MKLN1: variants seen among roughly 807,000 people sequenced by gnomAD.
The protein encoded by MKLN1 is muskelin.
Under a neutral mutation model 99.0 loss-of-function variants are expected in MKLN1, and 18 were observed. The observed-to-expected ratio is 0.18, with a 90% CI of 0.13 to 0.27. The LOEUF is 0.27. Ranked by LOEUF, MKLN1 falls within the 10% of genes least tolerant of loss-of-function variation. The probability of loss-of-function intolerance (pLI) is 1.00; values close to 1 mark genes in which losing one functional copy is unlikely to be tolerated. For synonymous variants in MKLN1, 288 were observed against 293.2 expected (o/e 0.98, Z 0.18); for missense variants, 621 against 875.9 (o/e 0.71, Z 3.67).
intron 3 of MKLN1, among the ~76,000 whole-genome samples, chr7:131,249,038 A>G (rs547208649): frequency 7.2e-5 from 11 of 152,274 alleles, no homozygotes; most frequent in African/African-American, 2.4e-4. Flanking sequence ...ATTACCTGCC[A>G]TTTTCTCCTC....
chr7:131,133,831 T>G (rs974703373), intron 1 of MKLN1, among the ~76,000 whole-genome samples: 18,819 of 119,770 alleles, frequency 0.16, 3,322 homozygotes, highest in South Asian at 0.36. Flanking sequence ...TTTTTTTTTT[T>G]TTTTTTTTTT....
At chr7:131,234,196 T>A (rs1584856144) in intron 3 of MKLN1, among the ~76,000 whole-genome samples, 1 of 151,944 alleles carries the variant, frequency 6.6e-6, no homozygotes, top group Non-Finnish European at 1.5e-5. Context: ...GCCAGGCTGG[T>A]CTTGAACTCC....
At chr7:131,115,171 A>G (rs2116846037) in intron 1 of MKLN1, among the ~76,000 whole-genome samples, 1 of 152,300 alleles carries the variant, frequency 6.6e-6, no homozygotes, top group South Asian at 2.1e-4. Context: ...GGTGTAATCC[A>G]TGGTCTGCAA....
upstream of MKLN1, among the ~76,000 whole-genome samples, chr7:131,324,074 C>G (rs1235516623): frequency 6.6e-6 from 1 of 152,144 alleles, no homozygotes; most frequent in Non-Finnish European, 1.5e-5. Context: ...TTGACCCAAA[C>G]CCCTGGTTCT....
intron 3 of MKLN1, among the ~76,000 whole-genome samples, chr7:131,247,426 G>A (rs1287963704): frequency 6.6e-6 from 1 of 151,948 alleles, no homozygotes; most frequent in Non-Finnish European, 1.5e-5. Context: ...ATGTTGGTCA[G>A]GCTGGTCTCG....
intron 2 of MKLN1, among the ~76,000 whole-genome samples, chr7:131,153,660 T>TCTG (rs1367662557): frequency 3.3e-5 from 2 of 61,304 alleles, no homozygotes; most frequent in African/African-American, 7.1e-5. Context: ...GTAGGTTTTT[T>TCTG]TTGGTTTTTT....
intron 1 of MKLN1, among the ~76,000 whole-genome samples, chr7:131,135,189 C>A (rs139561187): frequency 3.3e-5 from 5 of 152,352 alleles, no homozygotes; most frequent in Non-Finnish European, 4.4e-5. Flanking sequence ...GCAGAGCGAT[C>A]TCGGCTCATT....
intron 3 of MKLN1, among the ~76,000 whole-genome samples, chr7:131,249,578 G>A (rs1392023814): frequency 6.6e-6 from 1 of 152,178 alleles, no homozygotes; most frequent in Admixed American, 6.5e-5. Flanking sequence ...TTAGCAGAGA[G>A]GCACAATGGG....
intron 2 of MKLN1, among the ~76,000 whole-genome samples, chr7:131,191,296 G>T (rs1796537552): frequency 1.3e-5 from 2 of 152,230 alleles, no homozygotes; most frequent in Admixed American, 1.3e-4. Flanking sequence ...TACTCCAGCA[G>T]ATTCAAGTTG....
At chr7:131,432,341 C>G (rs1584736629) in intron 9 of MKLN1, among the ~76,000 whole-genome samples, 1 of 151,888 alleles carries the variant, frequency 6.6e-6, no homozygotes, top group Admixed American at 6.6e-5. Flanking sequence ...TTTTTTATAC[C>G]ATATACATAT....
At chr7:131,335,926 T>TCA (rs770266983) in intron 1 of MKLN1, among the ~76,000 whole-genome samples, 11 of 152,006 alleles carry the variant, frequency 7.2e-5, no homozygotes, top group Admixed American at 2.6e-4. Context: ...TGTACTTTGT[T>TCA]AAGTTCAAGT....
chr7:131,338,752 A>C (rs1307093173), intron 1 of MKLN1, among the ~76,000 whole-genome samples: 1 of 152,200 alleles, frequency 6.6e-6, no homozygotes, highest in Non-Finnish European at 1.5e-5. Context: ...GTTTTCCTTC[A>C]TTAACTGCTT....
rs1181154625 is a variant in MKLN1 at position 131,491,462 on chromosome 7, G to T, written c.*3734G>T. On this transcript the variant is annotated 3_prime_UTR_variant, in exon 18 of 18. Transcript: ENST00000352689. ...GGATGCTTTAACACAAAAGATTTTT[G>T]TTATCCTTATTAGTCAAATAACGCT... is the stretch of plus-strand genomic sequence containing the variant. 1 of 152,056 alleles carries T rather than the reference G, an allele frequency of 6.6e-6. No individual in the cohort carries two copies. Among genetic ancestry groups the T allele is most frequent in the Non-Finnish European group, 1.5e-5 (1 of 67,996 alleles). 9.4% of individuals were successfully genotyped at this position (152,056 alleles called of 1,614,324 possible). A position where few individuals can be genotyped will look rare whatever the true frequency, so the allele number is the denominator to read the frequency against.
intron 3 of MKLN1, among the ~76,000 whole-genome samples, chr7:131,282,836 G>T (rs1798071968): frequency 6.6e-6 from 1 of 152,168 alleles, no homozygotes; most frequent in South Asian, 2.1e-4. Context: ...TTCTCAGATG[G>T]TGGGGCATGG....
chr7:131,302,591 C>T (rs1300750149), intron 3 of MKLN1, among the ~76,000 whole-genome samples: 4 of 152,196 alleles, frequency 2.6e-5, no homozygotes, highest in Non-Finnish European at 5.9e-5. Flanking sequence ...AAGCAACCCC[C>T]AGCAGTTGAC....
Position 131,492,303 on chromosome 7 carries a change from A to G in MKLN1, c.*4575A>G, listed in dbSNP as rs1584796329. 6.6e-6 allele frequency: 1 copy of G among 152,204 alleles called. No homozygotes were observed. Among genetic ancestry groups the G allele is most frequent in the East Asian group, 1.9e-4 (1 of 5,202 alleles). 9.4% of individuals were successfully genotyped at this position (152,204 alleles called of 1,614,324 possible). On this transcript the variant is annotated 3_prime_UTR_variant, in exon 18 of 18. Transcript: ENST00000352689. ...TCTGCTGAAGTTAGAATTTGTGTTA[A>G]GAATTGACTTTAAACTTCTGAAATA...
intron 2 of MKLN1, among the ~76,000 whole-genome samples, chr7:131,169,671 T>C (rs1796188649): frequency 6.6e-6 from 1 of 152,196 alleles, no homozygotes; most frequent in African/African-American, 2.4e-5. Flanking sequence ...ATAGCAGACA[T>C]GTAAGATGTC....
At chr7:131,245,677 C>T (rs1797476603) in intron 3 of MKLN1, among the ~76,000 whole-genome samples, 1 of 152,194 alleles carries the variant, frequency 6.6e-6, no homozygotes, top group Admixed American at 6.5e-5. Flanking sequence ...AGTACAGGAG[C>T]ATGTCATACA....
chr7:131,184,023 CT>C (rs370235057), intron 2 of MKLN1, among the ~76,000 whole-genome samples: 33 of 146,264 alleles, frequency 2.3e-4, no homozygotes, highest in East Asian at 4.0e-4. Context: ...AGAAGAGTTA[CT>C]TTTTTTTTTT....
Sources: gnomAD v4.1 joint callset for allele counts (sites outside exome capture counted in the v4.1 genomes callset) on GRCh38, gnomAD v4.1.1 for gene constraint, MANE v1.5 for transcripts, NCBI Gene and HGNC (gene_info 2026-07-23, HGNC 2026-07-21) for gene names.